The following NYAP2 variants were observed in gnomAD, a reference collection of about 807,000 sequenced individuals.
NYAP2 encodes the protein neuronal tyrosine-phosphorylated phosphoinositide-3-kinase adaptor 2.
Under a neutral mutation model 50.4 loss-of-function variants are expected in NYAP2, and 23 were observed. That is an observed-to-expected ratio of 0.46 (90% confidence interval 0.33 to 0.65). The LOEUF is 0.65. Among genes scored for constraint, NYAP2 ranks in the 30% least tolerant of loss-of-function variants. The pLI is 0.02. For missense variants in NYAP2, 885 were observed against 861.0 expected (o/e 1.03, Z -0.35); for synonymous variants, 394 against 365.2 (o/e 1.08, Z -0.90).
chr2:225,417,362 A>G (rs550346459), intron 3 of NYAP2, among the ~76,000 whole-genome samples: 1 of 152,238 alleles, frequency 6.6e-6, no homozygotes, highest in African/African-American at 2.4e-5. Flanking sequence ...ATGAATTGGT[A>G]AAAGGAAAAT....
chr2:225,421,500 A>G (rs2106127090), intron 3 of NYAP2, among the ~76,000 whole-genome samples: 1 of 152,326 alleles, frequency 6.6e-6, no homozygotes, highest in African/African-American at 2.4e-5. Context: ...CAATGGGGAA[A>G]TATCTATAGT....
At chr2:225,542,366 T>A (rs1347143833) in intron 4 of NYAP2, among the ~76,000 whole-genome samples, 3 of 152,110 alleles carry the variant, frequency 2.0e-5, no homozygotes, top group African/African-American at 7.2e-5. Flanking sequence ...AGGAAAAGCT[T>A]TTAGATTGTC....
At chr2:225,499,060 G>T (rs1208272537) in intron 3 of NYAP2, among the ~76,000 whole-genome samples, 2 of 146,876 alleles carry the variant, frequency 1.4e-5, no homozygotes, top group African/African-American at 5.1e-5. Flanking sequence ...GACAACCACA[G>T]AAAAATCATA....
At chr2:225,688,738 C>T in the NYAP2 span, among the ~76,000 whole-genome samples, 1 of 151,934 alleles carries the variant, frequency 6.6e-6, no homozygotes, top group Admixed American at 6.6e-5. Flanking sequence ...AGAAAATCAA[C>T]TTTTTTTTGT....
At chr2:225,626,973 G>A in exon 6 of NYAP2, 2 of 1,586,576 alleles carry the variant, frequency 1.3e-6, no homozygotes, top group Non-Finnish European at 1.7e-6. Context: ...ACCAAAGTTG[G>A]ACAACAAGGA....
chr2:225,443,468 A>G (rs1689503150), intron 3 of NYAP2, among the ~76,000 whole-genome samples: 1 of 152,156 alleles, frequency 6.6e-6, no homozygotes, highest in South Asian at 2.1e-4. Flanking sequence ...TGACATTCTA[A>G]TGCTGATATA....
chr2:225,525,488 T>C (rs995034664), intron 4 of NYAP2, among the ~76,000 whole-genome samples: 1 of 152,104 alleles, frequency 6.6e-6, no homozygotes, highest in African/African-American at 2.4e-5. Context: ...TAGATGGAAC[T>C]GGAAGTCATC....
At chr2:225,459,313 A>G (rs1049645747) in intron 3 of NYAP2, among the ~76,000 whole-genome samples, 19 of 152,228 alleles carry the variant, frequency 1.2e-4, no homozygotes, top group African/African-American at 4.6e-4. Flanking sequence ...GATTTAGGTT[A>G]GGGTTATAGT....
At chr2:225,530,124 T>A (rs1691228702) in intron 4 of NYAP2, among the ~76,000 whole-genome samples, 1 of 152,152 alleles carries the variant, frequency 6.6e-6, no homozygotes, top group Non-Finnish European at 1.5e-5. Flanking sequence ...TTTAAGAAAG[T>A]GACTTTTTCT....
intron 6 of NYAP2, among the ~76,000 whole-genome samples, chr2:225,638,979 TGTAA>T (rs1693477222): frequency 6.6e-6 from 1 of 152,150 alleles, no homozygotes; most frequent in Non-Finnish European, 1.5e-5. Flanking sequence ...TTTTGATTAA[TGTAA>T]GTAACTGGGC....
At chr2:225,440,228 G>A (rs191616758) in intron 3 of NYAP2, among the ~76,000 whole-genome samples, 9 of 152,324 alleles carry the variant, frequency 5.9e-5, no homozygotes, top group Admixed American at 5.2e-4. Flanking sequence ...CATTTTGCAG[G>A]CATGGAGATG....
intron 4 of NYAP2, among the ~76,000 whole-genome samples, chr2:225,570,742 C>G (rs1232557935): frequency 6.6e-6 from 1 of 152,086 alleles, no homozygotes; most frequent in Non-Finnish European, 1.5e-5. Flanking sequence ...GCCCCCTGGC[C>G]CCTCCCAAAT....
intron 3 of NYAP2, among the ~76,000 whole-genome samples, chr2:225,470,500 T>A (rs1278539371): frequency 6.6e-6 from 1 of 152,194 alleles, no homozygotes; most frequent in African/African-American, 2.4e-5. Context: ...TTCTGTTAAG[T>A]CTTGCTGAAA....
At chr2:225,672,269 T>C in the NYAP2 span, among the ~76,000 whole-genome samples, 1 of 152,134 alleles carries the variant, frequency 6.6e-6, no homozygotes, top group South Asian at 2.1e-4. Context: ...CTAGATGTTC[T>C]GGATAACTTA....
Position 225,582,887 on chromosome 2 carries a change from C to T in NYAP2, c.1470C>T (p.Ala490=), listed in dbSNP as rs779818817. 26 of 1,613,598 alleles carry T rather than the reference C, an allele frequency of 1.6e-5. No homozygotes were observed. Among genetic ancestry groups the T allele is most frequent in the East Asian group, 2.2e-5 (1 of 44,874 alleles). Residue 490 remains alanine (A), a synonymous_variant, in exon 5 of 7, where the codon GCC becomes GCT. Coordinates refer to ENST00000636099, the Ensembl canonical transcript of NYAP2. This position sits in a 1 kb window ranked among gnomAD's most constrained non-coding sequence, Gnocchi z 7.0. Reference sequence around the variant, plus strand: ...AAGATGGGGCCAAGATGGTCAACGCCGCGGTGAACACCTACGGGGCAGCCC... The same window carrying T: ...AAGATGGGGCCAAGATGGTCAACGCTGCGGTGAACACCTACGGGGCAGCCC...
chr2:225,661,984 A>T, the NYAP2 span, among the ~76,000 whole-genome samples: 84 of 152,248 alleles, frequency 5.5e-4, no homozygotes, highest in African/African-American at 2.0e-3. Context: ...TCGGCCTCCC[A>T]AAGTGCTGGA....
chr2:225,564,289 A>G (rs919441206), intron 4 of NYAP2, among the ~76,000 whole-genome samples: 3 of 151,758 alleles, frequency 2.0e-5, no homozygotes, highest in African/African-American at 7.3e-5. Context: ...ATGTGAAAAA[A>G]AAGAGCAAAA....
In NYAP2 at chr2:225,511,373, CAGAG is replaced by C. The variant is rs67828728; in HGVS notation, c.222-1981_222-1978del. Among the ~76,000 whole-genome samples the C allele has an allele frequency of 5.9e-3, 696 of 117,784 alleles. 6 individuals are homozygous for C. The highest frequency in any genetic ancestry group is 8.7e-3 in the South Asian group (28 of 3,234). 77.3% of individuals were successfully genotyped at this position (117,784 alleles called of 152,430 possible). A position where few individuals can be genotyped will look rare whatever the true frequency, so the allele number is the denominator to read the frequency against. On this transcript the variant is annotated intron_variant, in intron 3 of 6. Coordinates refer to ENST00000636099, the Ensembl canonical transcript of NYAP2. ...ACACACACACACACACACACACACA[CAGAG>C]AGAGAGAGAGAGAGAGGATAAAACA...
intron 3 of NYAP2, among the ~76,000 whole-genome samples, chr2:225,455,231 G>C (rs768753654): frequency 6.6e-6 from 1 of 152,176 alleles, no homozygotes; most frequent in African/African-American, 2.4e-5. Context: ...AAAGAGAAAG[G>C]TTTTGTGTAG....
Sources: gnomAD v4.1 joint callset for allele counts (sites outside exome capture counted in the v4.1 genomes callset) on GRCh38, gnomAD v4.1.1 for gene constraint, Gnocchi (gnomAD v3.1) non-coding constraint, MANE v1.5 for transcripts, NCBI Gene and HGNC (gene_info 2026-07-23, HGNC 2026-07-21) for gene names.